Variants in GRIK1 observed in about 807,000 individuals in gnomAD.
GRIK1 encodes glutamate ionotropic receptor kainate type subunit 1, also known as glutamate receptor ionotropic, kainate 1.
Under a neutral mutation model 105.7 loss-of-function variants are expected in GRIK1, and 69 were observed. The observed-to-expected ratio is 0.65, with a 90% CI of 0.54 to 0.80. The LOEUF (loss-of-function observed/expected upper bound fraction) is 0.80. GRIK1 is among the 30% of genes least tolerant of loss of function. The pLI is 0.00. For missense variants in GRIK1, 1,109 were observed against 1,167.3 expected, an observed-to-expected ratio of 0.95 and a Z score of 0.73; for synonymous variants, 438 against 431.3, an observed-to-expected ratio of 1.02 and a Z score of -0.19.
At chr21:29,706,265 CT>C (rs1568996492) in intron 1 of GRIK1, among the ~76,000 whole-genome samples, 1 of 152,114 alleles carries the variant, frequency 6.6e-6, no homozygotes, top group Non-Finnish European at 1.5e-5. Context: ...AAAATCCATC[CT>C]TTTAATAACT....
chr21:29,816,376 A>G (rs749432315), intron 1 of GRIK1, among the ~76,000 whole-genome samples: 19 of 152,104 alleles, frequency 1.2e-4, no homozygotes, highest in Non-Finnish European at 2.5e-4. Flanking sequence ...ACCATTATAG[A>G]AAACAGTATA....
chr21:29,587,130 G>A (rs371289223), intron 12 of GRIK1, among the ~76,000 whole-genome samples: 34 of 152,246 alleles, frequency 2.2e-4, no homozygotes, highest in African/African-American at 8.2e-4. Context: ...GCTTGAAATA[G>A]GGATAAAGTT....
chr21:29,909,935 T>G (rs1479124329), intron 1 of GRIK1, among the ~76,000 whole-genome samples: 4 of 152,128 alleles, frequency 2.6e-5, no homozygotes, highest in South Asian at 2.1e-4. Flanking sequence ...TACAGACACA[T>G]GGACAATATA....
intron 1 of GRIK1, among the ~76,000 whole-genome samples, chr21:29,866,060 A>G (rs374703385): frequency 3.2e-4 from 49 of 151,868 alleles, no homozygotes; most frequent in East Asian, 2.3e-3. Context: ...GTACCAAAAG[A>G]GTTTTTACTT....
rs138860924 is a variant in GRIK1 at position 29,856,927 on chromosome 21, C to G, written c.118+82456G>C. Among the ~76,000 whole-genome samples the G allele has an allele frequency of 7.9e-5, 12 of 152,180 alleles. No individual in the cohort carries two copies. The East Asian group carries it at 2.3e-3, about 29-fold the overall frequency. ...GAATAAATTTGTTATATTTGAGGAA[C>G]TGCCAGGAGCTCTGCATTGATGGGA... On this transcript the variant is annotated intron_variant, in intron 1 of 17. Coordinates refer to ENST00000327783, the MANE Select transcript of GRIK1 (RefSeq NM_001330994.2).
intron 16 of GRIK1, among the ~76,000 whole-genome samples, chr21:29,550,792 A>G (rs1222640355): frequency 6.6e-6 from 1 of 152,244 alleles, no homozygotes; most frequent in East Asian, 1.9e-4. Flanking sequence ...TAGTTTCTCC[A>G]GAAGGTACCA....
At chr21:29,560,532 CTT>C (rs1382123378) in intron 15 of GRIK1, among the ~76,000 whole-genome samples, 1 of 77,486 alleles carries the variant, frequency 1.3e-5, no homozygotes, top group Admixed American at 1.7e-4. Flanking sequence ...TTCTTTCTTT[CTT>C]TCTTTCTTTC....
At chr21:29,717,299 G>A (rs1024139822) in intron 1 of GRIK1, among the ~76,000 whole-genome samples, 1 of 152,216 alleles carries the variant, frequency 6.6e-6, no homozygotes, top group African/African-American at 2.4e-5. Context: ...CCCTAGTAAA[G>A]GTGAGAAGGG....
chr21:29,583,496 T>C (rs1183495552), intron 12 of GRIK1, among the ~76,000 whole-genome samples: 1 of 152,132 alleles, frequency 6.6e-6, no homozygotes, highest in African/African-American at 2.4e-5. Context: ...CCAGCCCCCT[T>C]CAATATTCTG....
At chr21:29,724,645 G>C (rs753524215) in intron 1 of GRIK1, among the ~76,000 whole-genome samples, 1 of 152,160 alleles carries the variant, frequency 6.6e-6, no homozygotes, top group Non-Finnish European at 1.5e-5. Flanking sequence ...GGCTGCATTT[G>C]CACAGCAATG....
intron 1 of GRIK1, among the ~76,000 whole-genome samples, chr21:29,830,357 A>G (rs1316783555): frequency 3.1e-5 from 2 of 63,772 alleles, no homozygotes; most frequent in Non-Finnish European, 8.2e-5. Flanking sequence ...ACACACACAC[A>G]CACACTCACA....
intron 4 of GRIK1, among the ~76,000 whole-genome samples, chr21:29,656,547 G>A (rs2062858600): frequency 6.6e-6 from 1 of 152,030 alleles, no homozygotes; most frequent in African/African-American, 2.4e-5. Context: ...ATTTCTGAGA[G>A]TGTAGCCTTG....
intron 4 of GRIK1, chr21:29,657,396 A>C (rs995836405): frequency 6.6e-6 from 1 of 152,182 alleles, no homozygotes; most frequent in African/African-American, 2.4e-5. Context: ...AAATTCCTGG[A>C]GGTAAATATT....
At chr21:29,914,165 A>T (rs2070915122) in intron 1 of GRIK1, among the ~76,000 whole-genome samples, 1 of 152,038 alleles carries the variant, frequency 6.6e-6, no homozygotes, top group African/African-American at 2.4e-5. Flanking sequence ...CCCATCCCCA[A>T]GTTGTGACAA....
intron 1 of GRIK1, among the ~76,000 whole-genome samples, chr21:29,883,989 G>C (rs929135968): frequency 6.6e-6 from 1 of 151,922 alleles, no homozygotes; most frequent in African/African-American, 2.4e-5. Flanking sequence ...CTAAAAAGAA[G>C]GGGGGGATGC....
chr21:29,680,129 CA>C (rs2063343161), intron 3 of GRIK1, among the ~76,000 whole-genome samples: 1 of 152,068 alleles, frequency 6.6e-6, no homozygotes, highest in African/African-American at 2.4e-5. Flanking sequence ...GCTGGATACT[CA>C]AAAAGACATC....
At chr21:29,800,701 C>T (rs1055042410) in intron 1 of GRIK1, among the ~76,000 whole-genome samples, 2 of 152,178 alleles carry the variant, frequency 1.3e-5, no homozygotes, top group Non-Finnish European at 2.9e-5. Flanking sequence ...GCACCTAACA[C>T]TATAGTAGAT....
chr21:29,780,055 C>T (rs2066051343), intron 1 of GRIK1, among the ~76,000 whole-genome samples: 1 of 152,160 alleles, frequency 6.6e-6, no homozygotes, highest in Non-Finnish European at 1.5e-5. Context: ...CTTAAATTTA[C>T]TCATCTGTAG....
At chr21:29,786,960 T>C (rs1216485022) in intron 1 of GRIK1, among the ~76,000 whole-genome samples, 2 of 152,236 alleles carry the variant, frequency 1.3e-5, no homozygotes, top group Admixed American at 6.5e-5. Context: ...AACCCTTTCA[T>C]AGCTCTAGAG....
Sources: gnomAD v4.1 joint callset for allele counts (sites outside exome capture counted in the v4.1 genomes callset) on GRCh38, gnomAD v4.1.1 for gene constraint, MANE v1.5 for transcripts, NCBI Gene and HGNC (gene_info 2026-07-23, HGNC 2026-07-21) for gene names.